The following RBFOX1 variants were observed in gnomAD, a reference collection of about 807,000 sequenced individuals.
RBFOX1 encodes RNA binding protein fox-1 homolog 1.
In RBFOX1, 8 loss-of-function variants were observed where a neutral mutation model predicts 57.7. The observed-to-expected ratio is 0.14, with a 90% CI of 0.08 to 0.25. The LOEUF (loss-of-function observed/expected upper bound fraction) is 0.25, where lower values mean the gene tolerates loss of function less well. RBFOX1 is among the 10% of genes least tolerant of loss of function. RBFOX1 has a pLI of 1.00. For synonymous variants in RBFOX1, 326 were observed against 222.4 expected, an observed-to-expected ratio of 1.47 and a Z score of -4.15; for missense variants, 611 against 548.5, an observed-to-expected ratio of 1.11 and a Z score of -1.14.
intron 4 of RBFOX1, among the ~76,000 whole-genome samples, chr16:5,960,845 T>G (rs1444937386): frequency 6.6e-6 from 1 of 152,186 alleles, no homozygotes; most frequent in African/African-American, 2.4e-5. Flanking sequence ...AGCACAGGAT[T>G]TCCTGGAACA....
chr16:5,803,502 C>G (rs934055603), intron 3 of RBFOX1, among the ~76,000 whole-genome samples: 3 of 152,162 alleles, frequency 2.0e-5, no homozygotes, highest in Non-Finnish European at 4.4e-5. Context: ...GTGCTACTTT[C>G]TTTGTGAGAT....
intron 4 of RBFOX1, among the ~76,000 whole-genome samples, chr16:7,349,527 G>A (rs1010302243): frequency 8.6e-6 from 1 of 115,858 alleles, no homozygotes; most frequent in Non-Finnish European, 2.0e-5. Context: ...AAATTTAAAA[G>A]ACTTTTTTTT....
intron 6 of RBFOX1, among the ~76,000 whole-genome samples, chr16:7,585,298 G>A (rs768171178): frequency 3.5e-4 from 53 of 152,152 alleles, no homozygotes; most frequent in Admixed American, 2.0e-4. Flanking sequence ...TCTATTTCCA[G>A]TGATTTTTCT....
chr16:7,425,761 C>T (rs1598146729), intron 4 of RBFOX1, among the ~76,000 whole-genome samples: 1 of 152,276 alleles, frequency 6.6e-6, no homozygotes, highest in African/African-American at 2.4e-5. Context: ...ACAAATCCTC[C>T]CTTGAACTGG....
At chr16:7,701,779 C>G (rs752469297) in intron 14 of RBFOX1, among the ~76,000 whole-genome samples, 1 of 152,178 alleles carries the variant, frequency 6.6e-6, no homozygotes, top group Non-Finnish European at 1.5e-5. Flanking sequence ...ACTAACTGAC[C>G]AACAGATCTG....
At chr16:7,637,791 G>A (rs540725921) in intron 11 of RBFOX1, among the ~76,000 whole-genome samples, 9 of 152,132 alleles carry the variant, frequency 5.9e-5, no homozygotes, top group East Asian at 5.8e-4. Flanking sequence ...AACTAGCTCC[G>A]GGACTAGGGT....
At chr16:7,143,490 A>C (rs1484431345) in intron 4 of RBFOX1, among the ~76,000 whole-genome samples, 1 of 152,164 alleles carries the variant, frequency 6.6e-6, no homozygotes, top group Non-Finnish European at 1.5e-5. Context: ...AATTAGCCAT[A>C]TTCCCATATC....
chr16:6,810,562 T>C (rs574544218), intron 3 of RBFOX1, among the ~76,000 whole-genome samples: 52 of 152,214 alleles, frequency 3.4e-4, no homozygotes, highest in South Asian at 6.2e-4. Flanking sequence ...TAGCCAGTTA[T>C]AGGTTTGTAT....
chr16:6,083,836 C>G (rs1225881635), intron 1 of RBFOX1, among the ~76,000 whole-genome samples: 1 of 152,078 alleles, frequency 6.6e-6, no homozygotes, highest in Non-Finnish European at 1.5e-5. Context: ...ACCTTCCCAT[C>G]TTCTCTAACC....
At chr16:7,300,166 C>T (rs1451358363) in intron 4 of RBFOX1, among the ~76,000 whole-genome samples, 1 of 152,146 alleles carries the variant, frequency 6.6e-6, no homozygotes, top group Non-Finnish European at 1.5e-5. Flanking sequence ...CACTCACCAC[C>T]ATCTATTGTA....
At chr16:6,674,700 G>A (rs1272851184) in intron 3 of RBFOX1, among the ~76,000 whole-genome samples, 7 of 152,118 alleles carry the variant, frequency 4.6e-5, no homozygotes, top group Non-Finnish European at 1.0e-4. Flanking sequence ...GTTGATGGAG[G>A]CAGAGACTGG....
intron 1 of RBFOX1, among the ~76,000 whole-genome samples, chr16:6,246,569 G>A (rs2097570231): frequency 2.0e-5 from 3 of 152,082 alleles, no homozygotes; most frequent in Non-Finnish European, 1.5e-5. Flanking sequence ...TAACACCATG[G>A]GTTGGAAAAG....
chr16:6,238,452 G>A (rs1297599981), intron 1 of RBFOX1, among the ~76,000 whole-genome samples: 1 of 152,142 alleles, frequency 6.6e-6, no homozygotes, highest in Non-Finnish European at 1.5e-5. Flanking sequence ...TCCTGGCATG[G>A]TGGAAATTGC....
At chr16:7,603,954 AT>A (rs2095171453) in intron 9 of RBFOX1, among the ~76,000 whole-genome samples, 2 of 152,116 alleles carry the variant, frequency 1.3e-5, no homozygotes. Context: ...GACAGTGAGA[AT>A]TAGGGCATTT....
chr16:7,096,853 A>T (rs966475500), intron 4 of RBFOX1, among the ~76,000 whole-genome samples: 1 of 141,934 alleles, frequency 7.0e-6, no homozygotes, highest in African/African-American at 2.6e-5. Flanking sequence ...AATCACTTGA[A>T]CCCGGGAGGC....
intron 3 of RBFOX1, among the ~76,000 whole-genome samples, chr16:6,974,906 C>T (rs899687208): frequency 1.3e-5 from 2 of 152,136 alleles, no homozygotes; most frequent in Non-Finnish European, 2.9e-5. Flanking sequence ...AGAAATCCAG[C>T]ATGTCCTGGA....
At chr16:7,094,765 T>TGTGTGTGTGTGG (rs1220387298) in intron 4 of RBFOX1, among the ~76,000 whole-genome samples, 4 of 140,712 alleles carry the variant, frequency 2.8e-5, no homozygotes, top group African/African-American at 5.0e-5. Flanking sequence ...TGTGTGTGTG[T>TGTGTGTGTGTGG]GTGTGTGTGT....
chr16:6,940,855 G>A (rs1467836029), intron 3 of RBFOX1, among the ~76,000 whole-genome samples: 3 of 97,480 alleles, frequency 3.1e-5, no homozygotes, highest in Non-Finnish European at 4.2e-5. Context: ...GCTAGTCTGT[G>A]TGTGTGTGTG....
chr16:6,776,746 C>G (rs1370666672), intron 3 of RBFOX1, among the ~76,000 whole-genome samples: 2 of 152,214 alleles, frequency 1.3e-5, no homozygotes, highest in African/African-American at 2.4e-5. Flanking sequence ...ACACTAGGTG[C>G]TAAACTTTTC....
Sources: allele counts gnomAD v4.1 joint callset (sites outside exome capture counted in the v4.1 genomes callset), GRCh38; gene constraint gnomAD v4.1.1; transcripts MANE v1.5; gene names NCBI Gene and HGNC (gene_info 2026-07-23, HGNC 2026-07-21).